Variants in LDB2 observed in about 807,000 individuals in gnomAD.
LDB2 encodes the protein LIM domain binding 2, also known as LIM domain-binding protein 2.
In LDB2, 12 loss-of-function variants were observed where a neutral mutation model predicts 44.3. The observed-to-expected ratio is 0.27, with a 90% CI of 0.17 to 0.44. The LOEUF is 0.44. LDB2 is among the 20% of genes least tolerant of loss of function. The probability of loss-of-function intolerance (pLI) is 1.00; values close to 1 mark genes in which losing one functional copy is unlikely to be tolerated. For missense variants in LDB2, 344 were observed against 473.5 expected, an observed-to-expected ratio of 0.73 and a Z score of 2.54; for synonymous variants, 164 against 174.8, an observed-to-expected ratio of 0.94 and a Z score of 0.49.
chr4:16,887,624 T>C (rs896703988), intron 1 of LDB2, among the ~76,000 whole-genome samples: 14 of 152,012 alleles, frequency 9.2e-5, no homozygotes, highest in African/African-American at 3.1e-4. Flanking sequence ...TGAGATCAAA[T>C]CTTCACGAGT....
Position 16,898,603 on chromosome 4 carries a change from A to T in LDB2, c.-118T>A. 1 of 897,488 alleles carries T rather than the reference A, an allele frequency of 1.1e-6. No individual in the cohort carries two copies. The allele number at this position is 897,488 out of a possible 1,614,324, so 55.6% of individuals were successfully genotyped here. ...CACGCACACACGCTCACACACACACAGAGGCAGGCAGGCAGGCAGGCTGAA... is the reference window on the plus strand; with the variant it reads ...CACGCACACACGCTCACACACACACTGAGGCAGGCAGGCAGGCAGGCTGAA... On this transcript the variant is annotated 5_prime_UTR_variant, in exon 1 of 8. Transcript: ENST00000304523.
chr4:16,653,400 G>A (rs780389080), intron 2 of LDB2, among the ~76,000 whole-genome samples: 8 of 152,178 alleles, frequency 5.3e-5, no homozygotes, highest in African/African-American at 1.7e-4. Flanking sequence ...TAAAAACAAC[G>A]ATGACAACAA....
chr4:16,844,087 TAA>T (rs71181192), intron 1 of LDB2, among the ~76,000 whole-genome samples: 122 of 117,818 alleles, frequency 1.0e-3, no homozygotes, highest in African/African-American at 2.2e-3. Flanking sequence ...ACCCCATCTC[TAA>T]AAAAAAAAAA....
chr4:16,782,483 T>C (rs1273912755), intron 1 of LDB2, among the ~76,000 whole-genome samples: 1 of 152,030 alleles, frequency 6.6e-6, no homozygotes, highest in Non-Finnish European at 1.5e-5. Context: ...CCCAGGTAGC[T>C]GGTATTACAG....
At chr4:16,601,117 C>T (rs571232048) in intron 2 of LDB2, among the ~76,000 whole-genome samples, 2 of 152,234 alleles carry the variant, frequency 1.3e-5, no homozygotes, top group African/African-American at 4.8e-5. Flanking sequence ...AGGATTACAA[C>T]ATAAACCTGG....
intron 5 of LDB2, among the ~76,000 whole-genome samples, chr4:16,563,013 C>T (rs1346910852): frequency 1.3e-5 from 2 of 150,026 alleles, no homozygotes; most frequent in East Asian, 2.0e-4. Flanking sequence ...GGGAATTGAA[C>T]AACGAGAACA....
At chr4:16,717,813 G>A (rs1757403418) in intron 2 of LDB2, among the ~76,000 whole-genome samples, 1 of 152,104 alleles carries the variant, frequency 6.6e-6, no homozygotes, top group Admixed American at 6.5e-5. Context: ...GGGCTTCCCA[G>A]GCTCAAATCT....
At chr4:16,728,628 T>G (rs895232406) in intron 2 of LDB2, among the ~76,000 whole-genome samples, 2 of 152,224 alleles carry the variant, frequency 1.3e-5, no homozygotes, top group Admixed American at 1.3e-4. Context: ...ACTCACACAA[T>G]GCATCTATTC....
intron 2 of LDB2, among the ~76,000 whole-genome samples, chr4:16,692,333 A>G (rs1342829006): frequency 6.6e-6 from 1 of 152,198 alleles, no homozygotes; most frequent in Non-Finnish European, 1.5e-5. Context: ...CAGAATAAGC[A>G]TATCTGACGT....
intron 2 of LDB2, among the ~76,000 whole-genome samples, chr4:16,678,262 T>C: frequency 6.6e-6 from 1 of 152,244 alleles, no homozygotes; most frequent in Non-Finnish European, 1.5e-5. Context: ...AAGGTAAAGG[T>C]CAACTCAAGA....
chr4:16,889,631 C>T (rs1561550124), intron 1 of LDB2, among the ~76,000 whole-genome samples: 1 of 152,160 alleles, frequency 6.6e-6, no homozygotes, highest in Non-Finnish European at 1.5e-5. Flanking sequence ...ATGGCCAGTG[C>T]TGGAACAACT....
At chr4:16,664,471 C>A (rs949066479) in intron 2 of LDB2, among the ~76,000 whole-genome samples, 1 of 152,176 alleles carries the variant, frequency 6.6e-6, no homozygotes, top group Non-Finnish European at 1.5e-5. Context: ...TAGTAGGACA[C>A]TAGACAGAGT....
At chr4:16,874,282 T>A (rs1717686242) in intron 1 of LDB2, among the ~76,000 whole-genome samples, 1 of 152,072 alleles carries the variant, frequency 6.6e-6, no homozygotes, top group Non-Finnish European at 1.5e-5. Flanking sequence ...TATTTTAAAG[T>A]GAGAAAGAAG....
intron 1 of LDB2, among the ~76,000 whole-genome samples, chr4:16,872,964 T>A (rs1717147091): frequency 6.6e-6 from 1 of 151,890 alleles, no homozygotes; most frequent in South Asian, 2.1e-4. Context: ...ATTCTAAGAG[T>A]CCCATTGACA....
At chr4:16,727,237 G>T (rs186624042) in intron 2 of LDB2, among the ~76,000 whole-genome samples, 4 of 152,336 alleles carry the variant, frequency 2.6e-5, no homozygotes, top group Admixed American at 2.6e-4. Flanking sequence ...ATCAGAAAGT[G>T]TAGTGTTCTT....
intron 1 of LDB2, among the ~76,000 whole-genome samples, chr4:16,831,944 C>A (rs1485659641): frequency 6.6e-6 from 1 of 152,072 alleles, no homozygotes; most frequent in Non-Finnish European, 1.5e-5. Context: ...GGATTGCAAC[C>A]CATGCATTGA....
intron 1 of LDB2, among the ~76,000 whole-genome samples, chr4:16,827,209 T>C (rs1401783589): frequency 6.6e-6 from 1 of 152,068 alleles, no homozygotes; most frequent in Non-Finnish European, 1.5e-5. Context: ...TACCCGTCTC[T>C]CTCATCAGCA....
chr4:16,782,067 T>G (rs1350354223), intron 1 of LDB2, among the ~76,000 whole-genome samples: 1 of 152,224 alleles, frequency 6.6e-6, no homozygotes, highest in Non-Finnish European at 1.5e-5. Flanking sequence ...TAGGGCAGCC[T>G]AGGAAACAAT....
intron 1 of LDB2, among the ~76,000 whole-genome samples, chr4:16,770,044 C>T (rs1770303874): frequency 6.6e-6 from 1 of 152,106 alleles, no homozygotes; most frequent in Non-Finnish European, 1.5e-5. Flanking sequence ...TCTGAGCAGT[C>T]CAAACAGAAA....
Sources: allele counts gnomAD v4.1 joint callset (sites outside exome capture counted in the v4.1 genomes callset), GRCh38; gene constraint gnomAD v4.1.1; transcripts MANE v1.5; gene names NCBI Gene and HGNC (gene_info 2026-07-23, HGNC 2026-07-21).